ZCCHC7: variants seen among roughly 807,000 people sequenced by gnomAD.
ZCCHC7 encodes zinc finger CCHC-type containing 7.
A neutral mutation model predicts 52.0 loss-of-function variants in ZCCHC7; 35 were observed. The observed-to-expected ratio is 0.67, with a 90% CI of 0.51 to 0.89. The LOEUF is 0.89. Among genes scored for constraint, ZCCHC7 ranks in the 40% least tolerant of loss-of-function variants. The pLI is 0.00. For missense variants in ZCCHC7, 574 were observed against 649.1 expected (o/e 0.88, Z 1.26); for synonymous variants, 217 against 221.5 (o/e 0.98, Z 0.18).
chr9:37,151,975 A>T (rs1241386938), intron 2 of ZCCHC7, among the ~76,000 whole-genome samples: 1 of 152,200 alleles, frequency 6.6e-6, no homozygotes, highest in East Asian at 1.9e-4. Flanking sequence ...CAAAGTAAAA[A>T]GTCTCATAAA....
intron 2 of ZCCHC7, among the ~76,000 whole-genome samples, chr9:37,136,205 T>A (rs1842990009): frequency 6.6e-6 from 1 of 152,220 alleles, no homozygotes; most frequent in South Asian, 2.1e-4. Flanking sequence ...GCTGTGCAGT[T>A]GGCCAACTTT....
intron 2 of ZCCHC7, among the ~76,000 whole-genome samples, chr9:37,148,432 C>A (rs866749859): frequency 6.6e-6 from 1 of 152,106 alleles, no homozygotes; most frequent in Non-Finnish European, 1.5e-5. Context: ...TTTAGAGGAA[C>A]AACAGACTTT....
At chr9:37,123,133 G>A (rs910016176) in intron 1 of ZCCHC7, among the ~76,000 whole-genome samples, 5 of 151,510 alleles carry the variant, frequency 3.3e-5, no homozygotes, top group Non-Finnish European at 7.4e-5. Context: ...TACCTAGTTA[G>A]TATACTTGGG....
intron 2 of ZCCHC7, among the ~76,000 whole-genome samples, chr9:37,182,356 T>C (rs1411816769): frequency 2.0e-5 from 3 of 151,080 alleles, no homozygotes; most frequent in Non-Finnish European, 4.4e-5. Flanking sequence ...TTTTCTTTTT[T>C]TCTTTTTTTT....
chr9:37,241,994 T>C (rs1005569613), intron 2 of ZCCHC7, among the ~76,000 whole-genome samples: 5 of 151,900 alleles, frequency 3.3e-5, no homozygotes, highest in Admixed American at 6.6e-5. Flanking sequence ...TAGGTTTTGG[T>C]TTATCTTAGT....
At chr9:37,343,762 C>T (rs564879335) in intron 6 of ZCCHC7, among the ~76,000 whole-genome samples, 1 of 152,272 alleles carries the variant, frequency 6.6e-6, no homozygotes, top group East Asian at 1.9e-4. Flanking sequence ...GTTTGTTGAG[C>T]ACTTCCTATG....
At chr9:37,331,627 T>C (rs1314475843) in intron 6 of ZCCHC7, among the ~76,000 whole-genome samples, 4 of 151,708 alleles carry the variant, frequency 2.6e-5, no homozygotes, top group Non-Finnish European at 5.9e-5. Flanking sequence ...ATAGGATAGA[T>C]AATTTTCTAA....
chr9:37,278,014 T>TTGTG (rs1554723029), intron 2 of ZCCHC7, among the ~76,000 whole-genome samples: 13 of 145,032 alleles, frequency 9.0e-5, no homozygotes, highest in South Asian at 2.2e-4. Flanking sequence ...GTTTTTTTGT[T>TTGTG]TGTGTGTGTG....
intron 2 of ZCCHC7, among the ~76,000 whole-genome samples, chr9:37,283,969 C>T (rs1294120886): frequency 1.3e-5 from 2 of 151,440 alleles, no homozygotes; most frequent in Non-Finnish European, 2.9e-5. Context: ...TACTTTCAGA[C>T]AGATTTTTCC....
chr9:37,347,594 C>T (rs978228352), intron 6 of ZCCHC7, among the ~76,000 whole-genome samples: 2 of 152,086 alleles, frequency 1.3e-5, no homozygotes, highest in Non-Finnish European at 2.9e-5. Context: ...ATGCCAATAT[C>T]CTGTGTGCTG....
intron 6 of ZCCHC7, 135 bp from the exon 7 acceptor site, chr9:37,349,222 C>A: frequency 1.4e-6 from 1 of 692,522 alleles, no homozygotes; most frequent in Non-Finnish European, 2.4e-6. Flanking sequence ...TATATGGAAT[C>A]GCCTGAATAC....
At chr9:37,317,629 A>G (rs1480448106) in intron 5 of ZCCHC7, among the ~76,000 whole-genome samples, 1 of 152,192 alleles carries the variant, frequency 6.6e-6, no homozygotes, top group African/African-American at 2.4e-5. Flanking sequence ...TCAGTAAAAT[A>G]AAAGGTTATT....
chr9:37,216,207 A>G (rs1824495845), intron 2 of ZCCHC7, among the ~76,000 whole-genome samples: 1 of 152,194 alleles, frequency 6.6e-6, no homozygotes, highest in South Asian at 2.1e-4. Context: ...TGTCTCTTAG[A>G]AAGTACATGA....
chr9:37,212,827 C>T (rs1305248069), intron 2 of ZCCHC7, among the ~76,000 whole-genome samples: 1 of 152,190 alleles, frequency 6.6e-6, no homozygotes, highest in East Asian at 1.9e-4. Flanking sequence ...CTGAATCCTT[C>T]TATATCTTTC....
intron 2 of ZCCHC7, chr9:37,160,178 A>G (rs1588399926): frequency 1.3e-5 from 2 of 152,264 alleles, no homozygotes; most frequent in African/African-American, 2.4e-5. Flanking sequence ...ATGGATCACA[A>G]CCAGTCACGG....
At chr9:37,337,330 G>T (rs914593968) in intron 6 of ZCCHC7, among the ~76,000 whole-genome samples, 3 of 150,712 alleles carry the variant, frequency 2.0e-5, no homozygotes, top group Non-Finnish European at 4.4e-5. Context: ...TCTCCAGCTC[G>T]CCTGGTAATG....
chr9:37,190,615 T>C (rs1822967851), intron 2 of ZCCHC7, among the ~76,000 whole-genome samples: 1 of 152,254 alleles, frequency 6.6e-6, no homozygotes. Context: ...GAATTGGAAC[T>C]CCTGGTATAT....
chr9:37,208,918 C>A (rs1434356999), intron 2 of ZCCHC7, among the ~76,000 whole-genome samples: 2 of 152,176 alleles, frequency 1.3e-5, no homozygotes. Context: ...GATCTTATCT[C>A]CTAATACTAT....
rs1821771388 is a variant in ZCCHC7, at chr9:37,357,276, G to A, written c.*8G>A. The A allele has an allele frequency of 6.3e-7, 1 of 1,580,244 alleles. No homozygotes were observed. Among genetic ancestry groups the A allele is most frequent in the Admixed American group, 1.9e-5 (1 of 53,304 alleles). On this transcript the variant is annotated 3_prime_UTR_variant, in exon 9 of 9. Transcript: ENST00000336755. ...AGAAAAAAAAAGTCTTAAGCCGTCA[G>A]GCAGCCTCTGATGTGGCTTTTCATT...
Sources: gnomAD v4.1 joint callset for allele counts (sites outside exome capture counted in the v4.1 genomes callset) on GRCh38, gnomAD v4.1.1 for gene constraint, MANE v1.5 for transcripts, NCBI Gene and HGNC (gene_info 2026-07-23, HGNC 2026-07-21) for gene names.